The following MAPK4 variants were observed in gnomAD, a reference collection of about 807,000 sequenced individuals.
The protein encoded by MAPK4 is mitogen-activated protein kinase 4.
Under a neutral mutation model 47.7 loss-of-function variants are expected in MAPK4, and 22 were observed. That is an observed-to-expected ratio of 0.46 (90% CI 0.33 to 0.66). The LOEUF (loss-of-function observed/expected upper bound fraction) is 0.66. MAPK4 is among the 30% of genes least tolerant of loss of function. The pLI, the probability that MAPK4 is intolerant of heterozygous loss-of-function variation, is 0.02. For missense variants in MAPK4, 736 were observed against 831.7 expected (o/e 0.88, Z 1.42); for synonymous variants, 390 against 365.7 (o/e 1.07, Z -0.76).
intron 1 of MAPK4, among the ~76,000 whole-genome samples, chr18:50,600,708 A>G (rs1469851690): frequency 6.6e-6 from 1 of 152,156 alleles, no homozygotes; most frequent in Non-Finnish European, 1.5e-5. Context: ...CTTGCAGTCA[A>G]AGACTTCCTT....
At chr18:50,709,319 C>T (rs1910225120) in intron 2 of MAPK4, among the ~76,000 whole-genome samples, 1 of 152,202 alleles carries the variant, frequency 6.6e-6, no homozygotes, top group Admixed American at 6.5e-5. Flanking sequence ...TTCCTGAGTC[C>T]ATTAATCCCC....
intron 1 of MAPK4, among the ~76,000 whole-genome samples, chr18:50,644,689 T>C (rs564410620): frequency 1.4e-4 from 21 of 152,148 alleles, no homozygotes; most frequent in Admixed American, 5.9e-4. Flanking sequence ...AAGCTTAACA[T>C]AAAAATCCCC....
At chr18:50,655,236 C>G (rs919476346) in intron 1 of MAPK4, among the ~76,000 whole-genome samples, 5 of 152,190 alleles carry the variant, frequency 3.3e-5, no homozygotes, top group African/African-American at 1.2e-4. Context: ...GAAGGCTCAC[C>G]TGAGGCCCAT....
In MAPK4 at chr18:50,729,633, G is replaced by C; in HGVS notation, c.1543G>C (p.Glu515Gln). The C allele has an allele frequency of 6.9e-7, 1 of 1,453,562 alleles. No homozygotes were observed. The highest frequency in any genetic ancestry group is 9.1e-7 in the Non-Finnish European group (1 of 1,101,792). 90.0% of individuals were successfully genotyped at this position (1,453,562 alleles called of 1,614,324 possible). ...EHASPPADDPERRLSASPPGR... is the reference protein window; with the variant it reads ...EHASPPADDPQRRLSASPPGR... ...CGCCAGCCCGCCCGCCGACGACCCC[G>C]AGCGCCGCTTGTCTGCCTCGCCCCC... The change falls in exon 6 of 6, where the codon GAG becomes CAG. Residue 515 changes from glutamate to glutamine, a missense_variant. Around this residue, in one of 3 missense-constraint regions of MAPK4, gnomAD observed 377 missense variants for 378.6 expected, o/e 1.00. Coordinates refer to ENST00000400384, the MANE Select transcript of MAPK4 (RefSeq NM_002747.4).
At chr18:50,636,120 C>T (rs1037376739) in intron 1 of MAPK4, among the ~76,000 whole-genome samples, 22 of 152,228 alleles carry the variant, frequency 1.4e-4, no homozygotes, top group Non-Finnish European at 2.5e-4. Flanking sequence ...TTCTCCCTCT[C>T]CCTCCTTGCC....
chr18:50,567,657 T>A (rs558320528), intron 1 of MAPK4, among the ~76,000 whole-genome samples: 1 of 152,252 alleles, frequency 6.6e-6, no homozygotes, highest in East Asian at 1.9e-4. Flanking sequence ...AGTAAAGGTG[T>A]CTTTATTGCT....
chr18:50,725,934 C>A (rs2144487859), intron 4 of MAPK4, 28 bp from the exon 5 acceptor site: 2 of 1,588,804 alleles, frequency 1.3e-6, no homozygotes, highest in African/African-American at 1.3e-5. Flanking sequence ...CAACAAATGA[C>A]CTTCATGTCC....
In MAPK4 at chr18:50,648,859, C is replaced by T. The variant is rs150249709; in HGVS notation, c.-870-14230C>T. Among the ~76,000 whole-genome samples, 695 of 152,272 alleles carry T rather than the reference C, an allele frequency of 4.6e-3. 8 individuals carry two copies. The highest frequency in any genetic ancestry group is 0.016 in the African/African-American group (663 of 41,560). On this transcript the variant is annotated intron_variant, in intron 1 of 5. Transcript: ENST00000400384. Reference sequence around the variant, plus strand: ...CATGGGGGCAGGTCAGCAAGACTGTCCCAGGCCTTACTCCCAGCCACCATT... The same window carrying T: ...CATGGGGGCAGGTCAGCAAGACTGTTCCAGGCCTTACTCCCAGCCACCATT...
chr18:50,572,003 T>C (rs2042254222), intron 1 of MAPK4, among the ~76,000 whole-genome samples: 2 of 152,248 alleles, frequency 1.3e-5, no homozygotes, highest in Non-Finnish European at 2.9e-5. Context: ...AGATGATTAC[T>C]GTAAATCACA....
intron 1 of MAPK4, among the ~76,000 whole-genome samples, chr18:50,655,271 G>A (rs2043096554): frequency 6.6e-6 from 1 of 152,136 alleles, no homozygotes; most frequent in Non-Finnish European, 1.5e-5. Flanking sequence ...CCTGTCAGTG[G>A]TTCCTCTGCT....
intron 2 of MAPK4, among the ~76,000 whole-genome samples, chr18:50,695,338 TAAAAAA>T (rs59857315): frequency 2.4e-5 from 2 of 84,696 alleles, no homozygotes; most frequent in East Asian, 7.3e-4. Context: ...GGCTCCATCT[TAAAAAA>T]AAAAAAAAAA....
chr18:50,689,587 A>G (rs1909098044), intron 2 of MAPK4, among the ~76,000 whole-genome samples: 1 of 151,730 alleles, frequency 6.6e-6, no homozygotes, highest in Non-Finnish European at 1.5e-5. Context: ...TTTTCCTTCA[A>G]GGGCCTCTAG....
At chr18:50,594,453 TAC>T (rs2042465261) in intron 1 of MAPK4, among the ~76,000 whole-genome samples, 1 of 152,200 alleles carries the variant, frequency 6.6e-6, no homozygotes, top group South Asian at 2.1e-4. Flanking sequence ...AACACACCCA[TAC>T]ATTTACAGTC....
chr18:50,637,138 T>C (rs1255033027), intron 1 of MAPK4, among the ~76,000 whole-genome samples: 1 of 152,170 alleles, frequency 6.6e-6, no homozygotes, highest in Admixed American at 6.5e-5. Flanking sequence ...CTTCACTGAC[T>C]TTGCAAAATG....
Position 50,581,486 on chromosome 18 carries a change from C to G in MAPK4, c.-871+21243C>G, listed in dbSNP as rs2042344330. ...CGAGCAGTTACGGTACCTCTACAAC[C>G]TGGACTCTGAAATGGCATGGTCATT... On this transcript the variant is annotated intron_variant, in intron 1 of 5. Coordinates refer to ENST00000400384, the MANE Select transcript of MAPK4 (RefSeq NM_002747.4). Among the ~76,000 whole-genome samples, 5 of 152,324 alleles carry G rather than the reference C, an allele frequency of 3.3e-5. No individual in the cohort carries two copies. In the South Asian group the frequency reaches 1.0e-3, roughly 32 times the overall value.
chr18:50,596,831 T>A (rs2149370069), intron 1 of MAPK4, among the ~76,000 whole-genome samples: 1 of 152,282 alleles, frequency 6.6e-6, no homozygotes, highest in East Asian at 1.9e-4. Context: ...AAACAAAACT[T>A]CACACAGTCT....
At chr18:50,639,695 C>T (rs941804402) in intron 1 of MAPK4, among the ~76,000 whole-genome samples, 19 of 152,114 alleles carry the variant, frequency 1.2e-4, no homozygotes, top group South Asian at 2.1e-4. Context: ...GCACGTTTTC[C>T]GATGTCTTTA....
intron 2 of MAPK4, among the ~76,000 whole-genome samples, chr18:50,694,635 G>A (rs9949644): frequency 0.48 from 73,138 of 151,946 alleles, 17,643 homozygotes; most frequent in East Asian, 0.51. Flanking sequence ...TGGGAATATC[G>A]GGCCCATGAC....
At position 50,729,153 on chromosome 18, in the gene MAPK4, T is replaced by G. The variant is rs764167950; in HGVS notation, c.1068-5T>G. 7.0e-6 allele frequency: 11 copies of G among 1,565,586 alleles called. No individual in the cohort carries two copies. Among genetic ancestry groups the G allele is most frequent in the African/African-American group, 1.3e-5 (1 of 74,094 alleles). ...CCAATCACCGCTCTGTTTGTACCCTTGCAGGTACCCTGTGAGCCTGTCGTC... is the reference window on the plus strand; with the variant it reads ...CCAATCACCGCTCTGTTTGTACCCTGGCAGGTACCCTGTGAGCCTGTCGTC... On this transcript the variant is annotated splice_region_variant and splice_polypyrimidine_tract_variant and intron_variant, in intron 5 of 5. Coordinates refer to ENST00000400384, the MANE Select transcript of MAPK4 (RefSeq NM_002747.4).
Sources: allele counts gnomAD v4.1 joint callset (sites outside exome capture counted in the v4.1 genomes callset), GRCh38; gene constraint gnomAD v4.1.1; regional missense constraint gnomAD v4.1.1; transcripts MANE v1.5; gene names NCBI Gene and HGNC (gene_info 2026-07-23, HGNC 2026-07-21).